Variants in INPP5F observed in about 807,000 individuals in gnomAD.
INPP5F encodes the protein phosphatidylinositide 4-phosphatase SAC2.
A neutral mutation model predicts 137.2 loss-of-function variants in INPP5F; 97 were observed. That is an observed-to-expected ratio of 0.71 (90% CI 0.60 to 0.84). The LOEUF is 0.84. Among genes scored for constraint, INPP5F ranks in the 40% least tolerant of loss-of-function variants. The probability of loss-of-function intolerance (pLI) is 0.00; values close to 1 mark genes in which losing one functional copy is unlikely to be tolerated. For synonymous variants in INPP5F, 504 were observed against 476.9 expected (o/e 1.06, Z -0.74); for missense variants, 1,271 against 1,371.9 (o/e 0.93, Z 1.16).
In INPP5F at chr10:119,726,179, G is replaced by A; in HGVS notation, c.-84G>A. Reference sequence around the variant, plus strand: ...GGTTCCTACCCGGCCGCTCCCCGAGGCGCGGGCTCTGGCGGCCTCGACCGA... The same window carrying A: ...GGTTCCTACCCGGCCGCTCCCCGAGACGCGGGCTCTGGCGGCCTCGACCGA... On this transcript the variant is annotated 5_prime_UTR_variant, in exon 1 of 20. Transcript: ENST00000650623. 1 of 841,412 alleles carries A rather than the reference G, an allele frequency of 1.2e-6. No individual in the cohort carries two copies. The highest frequency in any genetic ancestry group is 1.6e-6 in the Non-Finnish European group (1 of 614,996). The allele number at this position is 841,412 out of a possible 1,614,324, so 52.1% of individuals were successfully genotyped here. A position where few individuals can be genotyped will look rare whatever the true frequency, so the allele number is the denominator to read the frequency against.
chr10:119,762,504 A>G (rs752891926), intron 2 of INPP5F, among the ~76,000 whole-genome samples: 27 of 152,152 alleles, frequency 1.8e-4, no homozygotes, highest in Non-Finnish European at 2.9e-4. Flanking sequence ...TAGGATTTCA[A>G]CATACAGTCA....
In INPP5F at chr10:119,726,072, TGCC is replaced by T; in HGVS notation, c.-182_-180del. ...GGGGAGAGGCCTCTACGGCCGCCGC[TGCC>T]GCCGCCGCTGCCGGGGCGCGTTCTC... On this transcript the variant is annotated 5_prime_UTR_variant, in exon 1 of 20. Coordinates refer to ENST00000650623, the MANE Select transcript of INPP5F (RefSeq NM_014937.4). 1 of 368,850 alleles carries T rather than the reference TGCC, an allele frequency of 2.7e-6. No homozygotes were observed. The highest frequency in any genetic ancestry group is 4.5e-5 in the East Asian group (1 of 22,430). The allele number at this position is 368,850 out of a possible 1,614,324, so 22.8% of individuals were successfully genotyped here. A position where few individuals can be genotyped will look rare whatever the true frequency, so the allele number is the denominator to read the frequency against.
chr10:119,734,650 A>G (rs191570945), intron 1 of INPP5F, among the ~76,000 whole-genome samples: 4 of 152,296 alleles, frequency 2.6e-5, no homozygotes, highest in Admixed American at 6.5e-5. Flanking sequence ...TCAATCTGCT[A>G]TTGATTCAAT....
chr10:119,813,027 T>C lies in INPP5F; in HGVS notation c.1886+1072T>C, dbSNP rs1589745771. Among the ~76,000 whole-genome samples, 4 of 152,322 alleles carry C rather than the reference T, an allele frequency of 2.6e-5. No homozygotes were observed. The East Asian group carries it at 7.7e-4, about 29-fold the overall frequency. Reference sequence around the variant, plus strand: ...ACTTAGATTTTTAAGAGGGTATCAATATCATGATTGTCAATATCATCTTTC... The same window carrying C: ...ACTTAGATTTTTAAGAGGGTATCAACATCATGATTGTCAATATCATCTTTC... On this transcript the variant is annotated intron_variant, in intron 15 of 19. Coordinates refer to ENST00000650623, the MANE Select transcript of INPP5F (RefSeq NM_014937.4).
intron 1 of INPP5F, among the ~76,000 whole-genome samples, chr10:119,743,047 T>C (rs1451284349): frequency 6.6e-6 from 1 of 152,128 alleles, no homozygotes; most frequent in East Asian, 1.9e-4. Context: ...GGAAAGTGTT[T>C]TGATGTTAAC....
chr10:119,827,994 T>G lies in INPP5F; in HGVS notation c.*214T>G. 2.0e-6 allele frequency: 1 copy of G among 495,512 alleles called. No homozygotes were observed. Among genetic ancestry groups the G allele is most frequent in the East Asian group, 3.6e-5 (1 of 27,722 alleles). 30.7% of individuals were successfully genotyped at this position (495,512 alleles called of 1,614,324 possible). A position where few individuals can be genotyped will look rare whatever the true frequency, so the allele number is the denominator to read the frequency against. ...CTAGAATGTGTAGACCTGAGTAGCTTATACACTACAGAGCACTTTGCTTAT... is the reference window on the plus strand; with the variant it reads ...CTAGAATGTGTAGACCTGAGTAGCTGATACACTACAGAGCACTTTGCTTAT... On this transcript the variant is annotated 3_prime_UTR_variant, in exon 20 of 20. Transcript: ENST00000650623.
intron 6 of INPP5F, among the ~76,000 whole-genome samples, chr10:119,792,673 A>G (rs894131867): frequency 6.6e-6 from 1 of 150,626 alleles, no homozygotes; most frequent in Non-Finnish European, 1.5e-5. Context: ...AGTATTTGAT[A>G]GGGGGAAGAT....
rs3188055 is a variant in INPP5F at position 119,827,370 on chromosome 10, A to T, written c.2989A>T (p.Asn997Tyr). The T allele has an allele frequency of 6.2e-7, 1 of 1,613,956 alleles. No individual in the cohort carries two copies. Among genetic ancestry groups the T allele is most frequent in the Non-Finnish European group, 8.5e-7 (1 of 1,179,950 alleles). Residue 997 changes from asparagine (N) to tyrosine (Y), a missense_variant, in exon 20 of 20, where the codon AAT becomes TAT. Physicochemically the swap from Asn to Tyr is moderately radical, Grantham distance 143. This residue lies in a region of INPP5F where 490 missense variants were observed against 443.7 expected (regional missense o/e 1.10). Coordinates refer to ENST00000650623, the MANE Select transcript of INPP5F (RefSeq NM_014937.4). ...AAATCAAATGACCAATCAAGTTTCAAATGAAACCCAATCAGAATCAACAGA... is the reference window on the plus strand; with the variant it reads ...AAATCAAATGACCAATCAAGTTTCATATGAAACCCAATCAGAATCAACAGA... ...ERNQMTNQVSNETQSESTEQT... is the reference protein window; with the variant it reads ...ERNQMTNQVSYETQSESTEQT...
intron 6 of INPP5F, among the ~76,000 whole-genome samples, chr10:119,796,413 T>TA (rs1850384223): frequency 6.6e-6 from 1 of 152,206 alleles, no homozygotes; most frequent in South Asian, 2.1e-4. Context: ...AAGTAGTTGT[T>TA]ACTATTTCAC....
At chr10:119,785,286 G>GTTGTTTTTTTTT (rs770290302) in intron 3 of INPP5F, among the ~76,000 whole-genome samples, 6 of 106,228 alleles carry the variant, frequency 5.6e-5, no homozygotes, top group Admixed American at 4.9e-4. Flanking sequence ...CTGCCAGACT[G>GTTGTTTTTTTTT]TTTTTTTTTT....
intron 2 of INPP5F, among the ~76,000 whole-genome samples, chr10:119,778,176 TTTG>T (rs1849585843): frequency 6.6e-6 from 1 of 151,942 alleles, no homozygotes; most frequent in African/African-American, 2.4e-5. Flanking sequence ...CCGGCTAATT[TTTG>T]TTATTTTTAG....
At chr10:119,808,875 C>T (rs952000405) in intron 13 of INPP5F, among the ~76,000 whole-genome samples, 2 of 152,166 alleles carry the variant, frequency 1.3e-5, no homozygotes, top group Non-Finnish European at 2.9e-5. Flanking sequence ...CCTTCTTTTG[C>T]ATTGAGTGAT....
At chr10:119,798,494 T>C in intron 8 of INPP5F, 49 bp from the exon 9 acceptor site, 1 of 1,312,688 alleles carries the variant, frequency 7.6e-7, no homozygotes, top group Non-Finnish European at 1.1e-6. Flanking sequence ...GACACTAATA[T>C]GTCTTAAACA....
chr10:119,825,536 T>G (rs775508476), intron 19 of INPP5F, among the ~76,000 whole-genome samples: 8 of 152,208 alleles, frequency 5.3e-5, no homozygotes, highest in Non-Finnish European at 8.8e-5. Context: ...TGCAAGGATT[T>G]TGCCATCCTT....
intron 1 of INPP5F, among the ~76,000 whole-genome samples, chr10:119,740,705 G>A (rs1848348052): frequency 1.3e-5 from 2 of 152,106 alleles, no homozygotes; most frequent in South Asian, 4.1e-4. Context: ...ACCACACCCA[G>A]CTAATTTTTG....
At chr10:119,794,727 G>A (rs1367050704) in intron 6 of INPP5F, among the ~76,000 whole-genome samples, 1 of 145,044 alleles carries the variant, frequency 6.9e-6, no homozygotes, top group Non-Finnish European at 1.5e-5. Flanking sequence ...CGGACGGGGC[G>A]GCTGGCCAGG....
intron 9 of INPP5F, among the ~76,000 whole-genome samples, chr10:119,800,110 T>C (rs1019279193): frequency 1.3e-5 from 2 of 151,560 alleles, no homozygotes; most frequent in South Asian, 2.1e-4. Context: ...GAAAACACCA[T>C]AGTGAAAAAA....
At chr10:119,807,531 T>G (rs1326207815) in intron 12 of INPP5F, among the ~76,000 whole-genome samples, 1 of 152,138 alleles carries the variant, frequency 6.6e-6, no homozygotes, top group Non-Finnish European at 1.5e-5. Flanking sequence ...GTGAAAAAAC[T>G]GTGTAAAAAA....
intron 1 of INPP5F, among the ~76,000 whole-genome samples, chr10:119,750,326 C>G (rs886524718): frequency 6.6e-6 from 1 of 152,174 alleles, no homozygotes; most frequent in South Asian, 2.1e-4. Context: ...ACAAATGTTA[C>G]GTTTATTACC....
Sources: gnomAD v4.1 joint callset for allele counts (sites outside exome capture counted in the v4.1 genomes callset) on GRCh38, gnomAD v4.1.1 for gene constraint, gnomAD v4.1.1 regional missense constraint, MANE v1.5 for transcripts, NCBI Gene and HGNC (gene_info 2026-07-23, HGNC 2026-07-21) for gene names.